The following AEBP2 variants were observed in gnomAD, a reference collection of about 807,000 sequenced individuals.
AEBP2 encodes AE binding protein 2.
In AEBP2, 10 loss-of-function variants were observed where a neutral mutation model predicts 50.8. That is an observed-to-expected ratio of 0.20 (90% CI 0.12 to 0.33). AEBP2 has a LOEUF of 0.33. AEBP2 is among the 10% of genes least tolerant of loss of function. The pLI, the probability that AEBP2 is intolerant of heterozygous loss-of-function variation, is 1.00. For missense variants in AEBP2, 570 were observed against 688.0 expected, an observed-to-expected ratio of 0.83 and a Z score of 1.92; for synonymous variants, 296 against 261.3, an observed-to-expected ratio of 1.13 and a Z score of -1.28.
At chr12:19,515,066 C>T (rs1430347497) in intron 7 of AEBP2, among the ~76,000 whole-genome samples, 1 of 151,972 alleles carries the variant, frequency 6.6e-6, no homozygotes, top group African/African-American at 2.4e-5. Context: ...AAATAAGTGC[C>T]CTTTAACAAG....
intron 1 of AEBP2, among the ~76,000 whole-genome samples, chr12:19,415,655 TCAATACAATACAATACAATACAATA>T (rs58109649): frequency 7.6e-6 from 1 of 131,882 alleles, no homozygotes; most frequent in Non-Finnish European, 1.6e-5. Flanking sequence ...AGAGATTAAA[TCAATACAATACAATACAATACAATA>T]CAATACAATA....
chr12:19,438,066 GA>G (rs1947880030), upstream of AEBP2, among the ~76,000 whole-genome samples: 1 of 152,142 alleles, frequency 6.6e-6, no homozygotes, highest in Non-Finnish European at 1.5e-5. Flanking sequence ...CTTTACAAAA[GA>G]AAGGCATAAT....
chr12:19,467,051 G>T (rs1948489545), intron 2 of AEBP2, among the ~76,000 whole-genome samples: 4 of 152,078 alleles, frequency 2.6e-5, no homozygotes, highest in Admixed American at 6.6e-5. Context: ...TTCCTGGCCT[G>T]ATTTCTACAT....
intron 1 of AEBP2, chr12:19,456,632 T>C: frequency 6.6e-7 from 1 of 1,525,536 alleles, no homozygotes; most frequent in Non-Finnish European, 9.1e-7. Context: ...CCGCTTCCAT[T>C]GGTGGGTCAT....
At chr12:19,458,209 C>G (rs1470703076) in intron 1 of AEBP2, among the ~76,000 whole-genome samples, 2 of 152,238 alleles carry the variant, frequency 1.3e-5, no homozygotes, top group Admixed American at 1.3e-4. Context: ...CTGTCCTCTA[C>G]TGTTGCATCA....
intron 2 of AEBP2, among the ~76,000 whole-genome samples, chr12:19,472,592 G>T (rs1948588663): frequency 6.6e-6 from 1 of 151,934 alleles, no homozygotes; most frequent in African/African-American, 2.4e-5. Flanking sequence ...TATTCTATTT[G>T]TTTCATTACA....
At chr12:19,408,600 C>T (rs1016046919) in intron 1 of AEBP2, among the ~76,000 whole-genome samples, 16 of 151,138 alleles carry the variant, frequency 1.1e-4, no homozygotes, top group East Asian at 5.9e-4. Context: ...GTGAATGAAT[C>T]GCCTATTTCA....
intron 2 of AEBP2, among the ~76,000 whole-genome samples, chr12:19,467,108 T>C (rs1008179309): frequency 6.6e-6 from 1 of 152,212 alleles, no homozygotes; most frequent in African/African-American, 2.4e-5. Context: ...CACTTTTTTT[T>C]CTTAAACAGA....
intron 3 of AEBP2, among the ~76,000 whole-genome samples, chr12:19,473,749 T>A (rs972844385): frequency 8.6e-5 from 13 of 152,002 alleles, no homozygotes; most frequent in African/African-American, 3.1e-4. Flanking sequence ...TGTTTCCTAA[T>A]AGGCATAATT....
intron 1 of AEBP2, among the ~76,000 whole-genome samples, chr12:19,458,744 G>C (rs888414320): frequency 6.6e-6 from 1 of 152,024 alleles, no homozygotes; most frequent in Non-Finnish European, 1.5e-5. Context: ...AAAAAAAATC[G>C]ATTTGGTTTT....
Position 19,518,638 on chromosome 12 carries a change from A to C in AEBP2, c.*521A>C. 1 of 1,449,330 alleles carries C rather than the reference A, an allele frequency of 6.9e-7. No individual in the cohort carries two copies. Among genetic ancestry groups the C allele is most frequent in the South Asian group, 1.4e-5 (1 of 69,796 alleles). The allele number at this position is 1,449,330 out of a possible 1,614,324, so 89.8% of individuals were successfully genotyped here. ...ATAATTTACCTTTCAATTATGATAA[A>C]TAGATGTGATTGGTTGCCATTTGTG... On this transcript the variant is annotated 3_prime_UTR_variant, in exon 8 of 8. Coordinates refer to ENST00000266508, the MANE Select transcript of AEBP2 (RefSeq NM_153207.5).
chr12:19,432,950 T>C (rs1319282271), intron 1 of AEBP2, among the ~76,000 whole-genome samples: 1 of 152,126 alleles, frequency 6.6e-6, no homozygotes, highest in Non-Finnish European at 1.5e-5. Flanking sequence ...AGTTTGAATA[T>C]GACTCCTAAT....
Position 19,477,027 on chromosome 12 carries a change from A to T in AEBP2, c.987+3672A>T, listed in dbSNP as rs113962338. ...GTAGTTTTCCTTGTAGAGGTCTTTC[A>T]CCTCCTTGGTTAGGTATATTCCTAA... On this transcript the variant is annotated intron_variant, in intron 3 of 7. Coordinates refer to ENST00000266508, the MANE Select transcript of AEBP2 (RefSeq NM_153207.5). 2.9e-3 allele frequency among the ~76,000 whole-genome samples: 434 copies of T among 151,568 alleles called. 1 individual carries two copies. Among genetic ancestry groups the T allele is most frequent in the African/African-American group, 9.9e-3 (410 of 41,356 alleles).
At chr12:19,488,110 G>A (rs1176073752) in intron 3 of AEBP2, among the ~76,000 whole-genome samples, 6 of 149,492 alleles carry the variant, frequency 4.0e-5, no homozygotes, top group Admixed American at 3.4e-4. Context: ...AAGGAACTGA[G>A]GCAAGAACAG....
At chr12:19,433,583 C>T (rs747774038) in intron 1 of AEBP2, among the ~76,000 whole-genome samples, 3 of 151,902 alleles carry the variant, frequency 2.0e-5, no homozygotes, top group Non-Finnish European at 4.4e-5. Context: ...AGTTTGAGAC[C>T]AGCCTGGCCA....
rs776029484 is a variant in AEBP2, at chr12:19,439,669, A to G, written c.-31A>G. 58 of 244,596 alleles carry G rather than the reference A, an allele frequency of 2.4e-4. 1 individual carries two copies. In the Middle Eastern group the frequency reaches 0.013, roughly 55 times the overall value. 15.2% of individuals were successfully genotyped at this position (244,596 alleles called of 1,614,324 possible). ...TCGAGAGAGGGAGGCGGCGGTGGGG[A>G]GGAGGAGGAGGAGGAGGAGCAGGCG... is the stretch of plus-strand genomic sequence containing the variant. On this transcript the variant is annotated 5_prime_UTR_variant, in exon 1 of 8. Transcript: ENST00000266508.
Position 19,521,334 on chromosome 12 carries a change from G to C in AEBP2, c.*3217G>C, listed in dbSNP as rs960949513. On this transcript the variant is annotated 3_prime_UTR_variant, in exon 8 of 8. Transcript: ENST00000266508. ...CCATATTAGGTACCTACAACAAATG[G>C]TGGTTTTTGGAAACTTTTACGGTGG... 1.3e-5 allele frequency: 2 copies of C among 152,058 alleles called. No homozygotes were observed. Among genetic ancestry groups the C allele is most frequent in the Admixed American group, 6.6e-5 (1 of 15,256 alleles). 9.4% of individuals were successfully genotyped at this position (152,058 alleles called of 1,614,324 possible).
chr12:19,458,985 T>G (rs1388279692), intron 1 of AEBP2, among the ~76,000 whole-genome samples: 2 of 152,198 alleles, frequency 1.3e-5, no homozygotes, highest in African/African-American at 4.8e-5. Context: ...TGTGTGTGTT[T>G]TACTTAACTA....
chr12:19,512,356 T>C (rs1449168379), intron 5 of AEBP2, 42 bp from the exon 6 acceptor site: 2 of 1,347,674 alleles, frequency 1.5e-6, no homozygotes, highest in Non-Finnish European at 2.0e-6. Context: ...AAAATGATGT[T>C]TTACACATTG....
Sources: allele counts gnomAD v4.1 joint callset (sites outside exome capture counted in the v4.1 genomes callset), GRCh38; gene constraint gnomAD v4.1.1; transcripts MANE v1.5; gene names NCBI Gene and HGNC (gene_info 2026-07-23, HGNC 2026-07-21).